The following ZNF573 variants were observed in gnomAD, a reference collection of about 807,000 sequenced individuals.
ZNF573 encodes the protein zinc finger protein 573.
In ZNF573, 41 loss-of-function variants were observed where a neutral mutation model predicts 57.4. That is an observed-to-expected ratio of 0.71 (90% CI 0.56 to 0.93). The LOEUF (loss-of-function observed/expected upper bound fraction) is 0.93. Ranked by LOEUF, ZNF573 falls within the 40% of genes least tolerant of loss-of-function variation. The pLI is 0.00. For missense variants in ZNF573, 730 were observed against 794.8 expected (o/e 0.92, Z 0.98); for synonymous variants, 249 against 261.0 (o/e 0.95, Z 0.44).
At chr19:37,756,335 A>G (rs866286544) in intron 4 of ZNF573, among the ~76,000 whole-genome samples, 1 of 152,198 alleles carries the variant, frequency 6.6e-6, no homozygotes, top group South Asian at 2.1e-4. Context: ...ATGAGGGCTG[A>G]AAAATGTTAA....
chr19:37,747,790 C>T (rs910865531), intron 4 of ZNF573, among the ~76,000 whole-genome samples: 39 of 152,080 alleles, frequency 2.6e-4, no homozygotes, highest in African/African-American at 9.4e-4. Context: ...CAGATTCACG[C>T]CATTCTCCTG....
chr19:37,752,142 C>T (rs1162507264), intron 4 of ZNF573, among the ~76,000 whole-genome samples: 1 of 151,788 alleles, frequency 6.6e-6, no homozygotes, highest in Admixed American at 6.6e-5. Context: ...AAAAGGGTGC[C>T]AACAAAATTC....
intron 2 of ZNF573, chr19:37,772,972 C>T (rs1347181860): frequency 2.0e-6 from 2 of 985,030 alleles, no homozygotes; most frequent in African/African-American, 1.7e-5. Flanking sequence ...CTTCAAAGGT[C>T]TTCCCCAGTT....
chr19:37,763,238 GA>G (rs2045569252), intron 4 of ZNF573, among the ~76,000 whole-genome samples: 1 of 131,284 alleles, frequency 7.6e-6, no homozygotes, highest in Non-Finnish European at 1.7e-5. Context: ...AAATACCCAA[GA>G]ACAACTATAG....
chr19:37,766,004 C>T (rs1475255491), intron 4 of ZNF573, among the ~76,000 whole-genome samples: 1 of 151,698 alleles, frequency 6.6e-6, no homozygotes, highest in Non-Finnish European at 1.5e-5. Flanking sequence ...CACACCATTG[C>T]ATTTCAGCCT....
At chr19:37,763,743 T>C (rs1377132854) in intron 4 of ZNF573, among the ~76,000 whole-genome samples, 11 of 151,900 alleles carry the variant, frequency 7.2e-5, no homozygotes, top group Admixed American at 5.9e-4. Flanking sequence ...TTACTAATGT[T>C]CTAAGAATGT....
chr19:37,772,028 G>A (rs1309447049), intron 2 of ZNF573, among the ~76,000 whole-genome samples: 12 of 152,200 alleles, frequency 7.9e-5, no homozygotes, highest in Admixed American at 7.2e-4. Context: ...GTCATGTGAT[G>A]CATAAATTCC....
At chr19:37,750,184 G>A (rs1432881106) in intron 4 of ZNF573, among the ~76,000 whole-genome samples, 1 of 151,770 alleles carries the variant, frequency 6.6e-6, no homozygotes. Flanking sequence ...CTGGGTTCAA[G>A]CAATTCTCCT....
At chr19:37,777,179 A>AT (rs1371784563) in intron 1 of ZNF573, among the ~76,000 whole-genome samples, 9 of 151,092 alleles carry the variant, frequency 6.0e-5, no homozygotes, top group South Asian at 2.1e-4. Flanking sequence ...AAATTATTTT[A>AT]TTTTTTTTTC....
intron 2 of ZNF573, chr19:37,772,931 A>G (rs2145334052): frequency 1.0e-6 from 1 of 985,120 alleles, no homozygotes; most frequent in South Asian, 4.7e-5. Context: ...CACCGTAGCT[A>G]GCCTACCTTC....
At chr19:37,754,712 GC>G (rs2045471018) in intron 4 of ZNF573, among the ~76,000 whole-genome samples, 1 of 150,078 alleles carries the variant, frequency 6.7e-6, no homozygotes, top group South Asian at 2.1e-4. Context: ...GGTACAGAAG[GC>G]AAAGTTTAAA....
rs1283436935 is a variant in ZNF573, at chr19:37,747,559, A to G, written c.296-7365T>C. Among the ~76,000 whole-genome samples, 13 of 152,226 alleles carry G rather than the reference A, an allele frequency of 8.5e-5. 1 individual carries two copies. The highest frequency in any genetic ancestry group is 8.5e-4 in the Admixed American group (13 of 15,282). On this transcript the variant is annotated intron_variant, in intron 4 of 4. Coordinates refer to ENST00000536220, the MANE Select transcript of ZNF573 (RefSeq NM_001172690.2). ...ACTTAACAAGTTGTTTCTAAAGAGT[A>G]GAGAATGGAAAAGGAAAAAATAGTA...
At position 37,738,684 on chromosome 19, in the gene ZNF573, T is replaced by A; in HGVS notation, c.1806A>T (p.Lys602Asn). 6.2e-7 allele frequency: 1 copy of A among 1,610,394 alleles called. No homozygotes were observed. Among genetic ancestry groups the A allele is most frequent in the East Asian group, 2.2e-5 (1 of 44,792 alleles). Reference sequence around the variant, plus strand: ...CATAAGGTTTTCCACCAGTATGAATTTTCTGATGTTGGGTAAGGTAGCCAT... The same window carrying A: ...CATAAGGTTTTCCACCAGTATGAATATTCTGATGTTGGGTAAGGTAGCCAT... ...KMYGYLTQHQ[K>N]IHTGGKPYEC... The change falls in exon 5 of 5, where the codon AAA (lysine) becomes AAT (asparagine). Residue 602 changes from lysine (K) to asparagine (N), a missense_variant. Physicochemically the swap from Lys to Asn is moderately conservative, Grantham distance 94. Transcript: ENST00000536220.
chr19:37,765,853 A>T (rs922197502), intron 4 of ZNF573, among the ~76,000 whole-genome samples: 1 of 152,078 alleles, frequency 6.6e-6, no homozygotes. Context: ...AGCCTGGCCG[A>T]CATGGCAAAA....
chr19:37,775,911 G>A (rs2045704125), intron 1 of ZNF573, among the ~76,000 whole-genome samples: 1 of 148,314 alleles, frequency 6.7e-6, no homozygotes, highest in African/African-American at 2.5e-5. Context: ...AACAAACTTA[G>A]GAATATACCT....
At chr19:37,778,227 C>T (rs1229676906) in intron 1 of ZNF573, among the ~76,000 whole-genome samples, 4 of 146,280 alleles carry the variant, frequency 2.7e-5, no homozygotes, top group Non-Finnish European at 6.1e-5. Context: ...TAAAATAATC[C>T]ACATAAGGCT....
intron 4 of ZNF573, among the ~76,000 whole-genome samples, chr19:37,754,414 G>C (rs55970469): frequency 0.45 from 68,317 of 151,082 alleles, 17,682 homozygotes; most frequent in Non-Finnish European, 0.61. Flanking sequence ...CAGCTACTAC[G>C]GAGGCTGAGG....
chr19:37,772,728 C>T (rs944872381), intron 2 of ZNF573, among the ~76,000 whole-genome samples: 4 of 151,358 alleles, frequency 2.6e-5, no homozygotes, highest in African/African-American at 7.3e-5. Flanking sequence ...TGACCTCCCA[C>T]GCTCAAGCAA....
intron 4 of ZNF573, 79 bp from the exon 5 acceptor site, chr19:37,740,273 C>T (rs2045315260): frequency 7.6e-7 from 1 of 1,318,264 alleles, no homozygotes; most frequent in Non-Finnish European, 1.0e-6. Context: ...AAAGAAAAAC[C>T]AACATTCATA....
Sources: gnomAD v4.1 joint callset for allele counts (sites outside exome capture counted in the v4.1 genomes callset) on GRCh38, gnomAD v4.1.1 for gene constraint, MANE v1.5 for transcripts, NCBI Gene and HGNC (gene_info 2026-07-23, HGNC 2026-07-21) for gene names.